The following ARSB variants were observed in gnomAD, a reference collection of about 807,000 sequenced individuals.
The protein encoded by ARSB is arylsulfatase B, also known as N-acetylgalactosamine-4-sulfatase.
A neutral mutation model predicts 50.9 loss-of-function variants in ARSB; 41 were observed. The observed-to-expected ratio is 0.81, with a 90% CI of 0.63 to 1.04. The LOEUF (loss-of-function observed/expected upper bound fraction) is 1.04. ARSB is among the 50% of genes least tolerant of loss of function. ARSB has a pLI of 0.00. For synonymous variants in ARSB, 269 were observed against 284.8 expected (o/e 0.94, Z 0.56); for missense variants, 672 against 693.3 (o/e 0.97, Z 0.35).
At chr5:78,946,146 A>G (rs1751219028) in intron 4 of ARSB, among the ~76,000 whole-genome samples, 1 of 152,236 alleles carries the variant, frequency 6.6e-6, no homozygotes, top group South Asian at 2.1e-4. Flanking sequence ...ACTCATTGGC[A>G]GGAAAGTTGG....
intron 5 of ARSB, among the ~76,000 whole-genome samples, chr5:78,867,114 T>G: frequency 6.6e-6 from 1 of 152,132 alleles, no homozygotes; most frequent in Non-Finnish European, 1.5e-5. Flanking sequence ...TCAGACTGGC[T>G]TAAAAAACGG....
rs1743252192 is a variant in ARSB, at chr5:78,798,340, A to C, written c.1214-16366T>G. ...TGTCTAAATACACGTTTTTTTAAGT[A>C]ATTGGTAGAGTCTGTCAACAAATGG... On this transcript the variant is annotated intron_variant, in intron 6 of 7. Transcript: ENST00000264914. 2.0e-5 allele frequency among the ~76,000 whole-genome samples: 3 copies of C among 151,762 alleles called. No homozygotes were observed. The South Asian group carries it at 6.3e-4, about 32-fold the overall frequency.
In ARSB at chr5:78,868,304, AC is replaced by A. The variant is rs1332505323; in HGVS notation, c.1142+17279del. Among the ~76,000 whole-genome samples, 11 of 115,862 alleles carry A rather than the reference AC, an allele frequency of 9.5e-5. No individual in the cohort carries two copies. The East Asian group carries it at 2.5e-3, about 26-fold the overall frequency. The allele number at this position is 115,862 out of a possible 152,430, so 76.0% of individuals were successfully genotyped here. A position where few individuals can be genotyped will look rare whatever the true frequency, so the allele number is the denominator to read the frequency against. On this transcript the variant is annotated intron_variant, in intron 5 of 7. Coordinates refer to ENST00000264914, the MANE Select transcript of ARSB (RefSeq NM_000046.5). ...AGGCCAACGTTCAGATTCAGGAAAT[AC>A]AGAGAACGCCACAAAGATACTCCTC...
chr5:78,893,953 C>T (rs963374056), intron 4 of ARSB, among the ~76,000 whole-genome samples: 2 of 152,160 alleles, frequency 1.3e-5, no homozygotes, highest in African/African-American at 4.8e-5. Context: ...TCCAGGCAAA[C>T]TAATTTTTTT....
At chr5:78,981,238 CCGCGCCCGG>C (rs1394736626) in intron 1 of ARSB, among the ~76,000 whole-genome samples, 3 of 4,668 alleles carry the variant, frequency 6.4e-4, no homozygotes, top group African/African-American at 3.5e-3. Context: ...GCGTGAGCCA[CCGCGCCCGG>C]CCGAATTTCT....
intron 4 of ARSB, among the ~76,000 whole-genome samples, chr5:78,945,226 C>T (rs577890487): frequency 1.1e-4 from 16 of 152,316 alleles, no homozygotes; most frequent in Non-Finnish European, 1.5e-4. Flanking sequence ...TTGCGCTTCC[C>T]GGGTGAGGCG....
At chr5:78,895,484 T>C (rs1748524431) in intron 4 of ARSB, among the ~76,000 whole-genome samples, 1 of 152,246 alleles carries the variant, frequency 6.6e-6, no homozygotes, top group African/African-American at 2.4e-5. Flanking sequence ...ATATCCCATA[T>C]TCCTGTCATT....
chr5:78,915,437 C>CG (rs1749505957), intron 4 of ARSB, among the ~76,000 whole-genome samples: 1 of 152,058 alleles, frequency 6.6e-6, no homozygotes, highest in Non-Finnish European at 1.5e-5. Context: ...TAATGTCAGT[C>CG]GAAGGCAAGC....
chr5:78,906,960 C>T (rs1749093878), intron 4 of ARSB, among the ~76,000 whole-genome samples: 1 of 152,174 alleles, frequency 6.6e-6, no homozygotes, highest in Admixed American at 6.5e-5. Context: ...TAATTAAGCA[C>T]CTGCTAGGTG....
At chr5:78,954,676 T>G (rs1751639923) in intron 4 of ARSB, among the ~76,000 whole-genome samples, 1 of 152,132 alleles carries the variant, frequency 6.6e-6, no homozygotes, top group Non-Finnish European at 1.5e-5. Flanking sequence ...GGCTAATTTT[T>G]GCATTTTTAG....
At chr5:78,926,223 C>T (rs562024980) in intron 4 of ARSB, among the ~76,000 whole-genome samples, 2 of 152,088 alleles carry the variant, frequency 1.3e-5, no homozygotes, top group Admixed American at 1.3e-4. Flanking sequence ...CTTCTGGCAC[C>T]AAGGAAGAAA....
chr5:78,938,994 C>A (rs959806606), intron 4 of ARSB, among the ~76,000 whole-genome samples: 2 of 152,198 alleles, frequency 1.3e-5, no homozygotes, highest in African/African-American at 4.8e-5. Context: ...TAAATGGAAA[C>A]TTCACCCTCA....
At chr5:78,801,662 C>T (rs1338514479) in intron 6 of ARSB, among the ~76,000 whole-genome samples, 4 of 152,266 alleles carry the variant, frequency 2.6e-5, no homozygotes, top group East Asian at 1.9e-4. Flanking sequence ...CCACATTTCT[C>T]GGCCTCCCTT....
chr5:78,825,912 C>T (rs1744414448), intron 6 of ARSB, among the ~76,000 whole-genome samples: 1 of 152,150 alleles, frequency 6.6e-6, no homozygotes, highest in Admixed American at 6.5e-5. Context: ...ATCAATTAAG[C>T]CAAATCTAAG....
chr5:78,868,077 A>G (rs559241297), intron 5 of ARSB, among the ~76,000 whole-genome samples: 359 of 143,638 alleles, frequency 2.5e-3, no homozygotes, highest in Non-Finnish European at 4.2e-3. Flanking sequence ...GGAAGATGAA[A>G]TGAATGAAAT....
At chr5:78,953,605 T>A (rs1364941894) in intron 4 of ARSB, among the ~76,000 whole-genome samples, 1 of 152,110 alleles carries the variant, frequency 6.6e-6, no homozygotes, top group East Asian at 1.9e-4. Flanking sequence ...CCAAAATGAA[T>A]TCCTCAACAT....
chr5:78,943,750 T>A (rs1368142602), intron 4 of ARSB, among the ~76,000 whole-genome samples: 1 of 152,216 alleles, frequency 6.6e-6, no homozygotes, highest in African/African-American at 2.4e-5. Context: ...CTGACAATTA[T>A]GTGTCTTGGA....
intron 1 of ARSB, among the ~76,000 whole-genome samples, chr5:78,979,398 C>T (rs1032867942): frequency 6.6e-6 from 1 of 152,180 alleles, no homozygotes; most frequent in Admixed American, 6.5e-5. Context: ...GGAAATATAA[C>T]GTGGTATAGC....
At chr5:78,917,190 AAT>A (rs1174476974) in intron 4 of ARSB, among the ~76,000 whole-genome samples, 2 of 152,204 alleles carry the variant, frequency 1.3e-5, no homozygotes, top group Non-Finnish European at 2.9e-5. Context: ...GGCCCTCTCT[AAT>A]ACAGTATTAG....
Sources: gnomAD v4.1 joint callset for allele counts (sites outside exome capture counted in the v4.1 genomes callset) on GRCh38, gnomAD v4.1.1 for gene constraint, MANE v1.5 for transcripts, NCBI Gene and HGNC (gene_info 2026-07-23, HGNC 2026-07-21) for gene names.